The following WDR27 variants were observed in gnomAD, a reference collection of about 807,000 sequenced individuals.
WDR27 encodes the protein WD repeat domain 27, also known as WD repeat-containing protein 27.
A neutral mutation model predicts 114.4 loss-of-function variants in WDR27; 100 were observed. The observed-to-expected ratio is 0.87, with a 90% CI of 0.74 to 1.03. WDR27 has a LOEUF of 1.03. Among genes scored for constraint, WDR27 ranks in the 50% least tolerant of loss-of-function variants. The pLI is 0.00. For synonymous variants in WDR27, 449 were observed against 423.1 expected (o/e 1.06, Z -0.75); for missense variants, 1,129 against 1,092.9 (o/e 1.03, Z -0.47).
chr6:169,428,209 G>T, the WDR27 span, among the ~76,000 whole-genome samples: 16 of 152,174 alleles, frequency 1.1e-4, no homozygotes, highest in Admixed American at 7.9e-4. Flanking sequence ...ATTTTCTCCA[G>T]TGGAGAGCTA....
chr6:169,527,013 T>G (rs560473674), intron 25 of WDR27, among the ~76,000 whole-genome samples: 2 of 152,302 alleles, frequency 1.3e-5, no homozygotes, highest in South Asian at 4.1e-4. Context: ...GGCAAAGATG[T>G]AGAGCAACTG....
At chr6:169,582,487 G>A (rs1296990996) in intron 24 of WDR27, among the ~76,000 whole-genome samples, 1 of 152,122 alleles carries the variant, frequency 6.6e-6, no homozygotes, top group African/African-American at 2.4e-5. Flanking sequence ...TGGCACTGGT[G>A]TTCATGTTAG....
In WDR27 at chr6:169,579,806, G is replaced by A. The variant is rs76487519; in HGVS notation, c.2523+3030C>T. ...GGGCCACTCTGCCTGTGCAGCTACCGTTCTGCTACACACTTTGCTCGAAAA... is the reference window on the plus strand; with the variant it reads ...GGGCCACTCTGCCTGTGCAGCTACCATTCTGCTACACACTTTGCTCGAAAA... On this transcript the variant is annotated intron_variant, in intron 24 of 25. Transcript: ENST00000448612. Among the ~76,000 whole-genome samples, 412 of 152,278 alleles carry A rather than the reference G, an allele frequency of 2.7e-3. 4 individuals carry two copies. The highest frequency in any genetic ancestry group is 8.3e-3 in the African/African-American group (347 of 41,562).
intron 25 of WDR27, among the ~76,000 whole-genome samples, chr6:169,459,085 A>C (rs967467827): frequency 3.9e-5 from 6 of 152,232 alleles, no homozygotes; most frequent in Admixed American, 1.3e-4. Flanking sequence ...AGTATGGCCT[A>C]TTCAGAGGAA....
intron 23 of WDR27, among the ~76,000 whole-genome samples, chr6:169,600,894 G>A (rs1056890803): frequency 2.0e-4 from 30 of 152,180 alleles, no homozygotes; most frequent in Admixed American, 5.9e-4. Flanking sequence ...TACTTTGCCC[G>A]ATGTTATCCA....
chr6:169,451,910 C>T, the WDR27 span, among the ~76,000 whole-genome samples: 1 of 152,082 alleles, frequency 6.6e-6, no homozygotes, highest in Non-Finnish European at 1.5e-5. Context: ...ATTATCTTAA[C>T]ACACGTCTTT....
At chr6:169,570,103 C>T (rs1252212474) in intron 25 of WDR27, among the ~76,000 whole-genome samples, 1 of 152,168 alleles carries the variant, frequency 6.6e-6, no homozygotes, top group Non-Finnish European at 1.5e-5. Flanking sequence ...TCTGCGGGGT[C>T]ATAGTGTATC....
At chr6:169,549,860 G>A (rs751136009) in intron 25 of WDR27, among the ~76,000 whole-genome samples, 1 of 152,224 alleles carries the variant, frequency 6.6e-6, no homozygotes, top group Non-Finnish European at 1.5e-5. Context: ...GTGGTTGACA[G>A]GAGTTAGGAA....
intron 24 of WDR27, among the ~76,000 whole-genome samples, chr6:169,580,946 T>TACAC (rs1554297540): frequency 1.1e-5 from 1 of 87,184 alleles, no homozygotes; most frequent in Admixed American, 1.1e-4. Flanking sequence ...TATATATATA[T>TACAC]ATATATACAT....
At chr6:169,639,475 GAA>G (rs201405578) in intron 17 of WDR27, among the ~76,000 whole-genome samples, 1 of 147,482 alleles carries the variant, frequency 6.8e-6, no homozygotes, top group African/African-American at 2.5e-5. Flanking sequence ...AGAAAAAAGT[GAA>G]AAAAAAAAAT....
At chr6:169,527,107 T>C (rs373279384) in intron 25 of WDR27, among the ~76,000 whole-genome samples, 2 of 152,242 alleles carry the variant, frequency 1.3e-5, no homozygotes, top group African/African-American at 2.4e-5. Flanking sequence ...CAGTTAAACG[T>C]AGAATTGCCA....
At chr6:169,658,965 G>A in intron 12 of WDR27, 121 bp downstream of exon 12, 4 of 1,365,040 alleles carry the variant, frequency 2.9e-6, no homozygotes, top group South Asian at 3.5e-5. Flanking sequence ...GGGATTATAG[G>A]CGTGAGCCAC....
intron 13 of WDR27, among the ~76,000 whole-genome samples, chr6:169,656,060 G>T (rs1188783444): frequency 2.6e-5 from 4 of 152,138 alleles, no homozygotes; most frequent in African/African-American, 9.7e-5. Flanking sequence ...GCAGAGAGGG[G>T]ACCCGGAGAG....
intron 25 of WDR27, among the ~76,000 whole-genome samples, chr6:169,554,902 T>G (rs1261386553): frequency 6.6e-6 from 1 of 152,198 alleles, no homozygotes; most frequent in African/African-American, 2.4e-5. Context: ...AGATGTATAT[T>G]TTTGCCTCCA....
At chr6:169,640,534 G>T (rs1818892103) in intron 17 of WDR27, among the ~76,000 whole-genome samples, 1 of 152,244 alleles carries the variant, frequency 6.6e-6, no homozygotes, top group Admixed American at 6.5e-5. Flanking sequence ...GCTAACAGCA[G>T]CTGCAAGACT....
In WDR27 at chr6:169,659,576, C is replaced by A. The variant is rs1231339999; in HGVS notation, c.1130-58G>T. ...TGGGGAGGGAGGTAGCACATACACA[C>A]GGAGTCACTGCCCAGAGCCCACCAC... On this transcript the variant is annotated intron_variant, in intron 10 of 25. Coordinates refer to ENST00000448612, the MANE Select transcript of WDR27 (RefSeq NM_182552.5). The surrounding 1 kb of genome is among the most constrained non-coding windows in gnomAD (Gnocchi z 4.3). The A allele has an allele frequency of 5.3e-6, 8 of 1,521,282 alleles. No individual in the cohort carries two copies. In the South Asian group the frequency reaches 5.9e-5, roughly 11 times the overall value. 94.2% of individuals were successfully genotyped at this position (1,521,282 alleles called of 1,614,324 possible).
At chr6:169,610,984 T>G (rs1810394869) in intron 22 of WDR27, among the ~76,000 whole-genome samples, 1 of 152,156 alleles carries the variant, frequency 6.6e-6, no homozygotes, top group African/African-American at 2.4e-5. Flanking sequence ...AACCTTAGAC[T>G]TCACTACTAT....
At chr6:169,539,804 C>T (rs980804351) in intron 25 of WDR27, among the ~76,000 whole-genome samples, 2 of 152,160 alleles carry the variant, frequency 1.3e-5, no homozygotes, top group Non-Finnish European at 2.9e-5. Context: ...CACAGTAAGC[C>T]CTGGGAAACA....
At chr6:169,585,068 T>A (rs1804278274) in intron 23 of WDR27, among the ~76,000 whole-genome samples, 2 of 152,176 alleles carry the variant, frequency 1.3e-5, no homozygotes, top group Non-Finnish European at 2.9e-5. Context: ...GAAAGGATAA[T>A]CTCTTTAATA....
Sources: gnomAD v4.1 joint callset for allele counts (sites outside exome capture counted in the v4.1 genomes callset) on GRCh38, gnomAD v4.1.1 for gene constraint, Gnocchi (gnomAD v3.1) non-coding constraint, MANE v1.5 for transcripts, NCBI Gene and HGNC (gene_info 2026-07-23, HGNC 2026-07-21) for gene names.